Variants in LPAR1 observed in about 807,000 individuals in gnomAD.
The protein encoded by LPAR1 is LPA receptor 1.
In LPAR1, 5 loss-of-function variants were observed where a neutral mutation model predicts 23.8. The ratio of observed to expected loss-of-function variants is 0.21; its 90% CI spans 0.11 to 0.44. LPAR1 has a LOEUF of 0.44. Ranked by LOEUF, LPAR1 falls within the 20% of genes least tolerant of loss-of-function variation. The probability of loss-of-function intolerance (pLI) is 0.99; values close to 1 mark genes in which losing one functional copy is unlikely to be tolerated. For missense variants in LPAR1, 311 were observed against 482.8 expected, an observed-to-expected ratio of 0.64 and a Z score of 3.33; for synonymous variants, 160 against 164.7, an observed-to-expected ratio of 0.97 and a Z score of 0.22.
intron 4 of LPAR1, among the ~76,000 whole-genome samples, chr9:110,971,049 C>T (rs577356223): frequency 6.6e-6 from 1 of 152,206 alleles, no homozygotes; most frequent in South Asian, 2.1e-4. Flanking sequence ...ACAGGAGAAT[C>T]GCTTGAACCC....
At chr9:110,880,139 G>C (rs780911240) in intron 5 of LPAR1, among the ~76,000 whole-genome samples, 1 of 152,170 alleles carries the variant, frequency 6.6e-6, no homozygotes, top group Non-Finnish European at 1.5e-5. Flanking sequence ...AAGTAACATG[G>C]GGTGGAGGAT....
chr9:110,924,384 G>A (rs919689169), intron 5 of LPAR1, among the ~76,000 whole-genome samples: 4 of 152,076 alleles, frequency 2.6e-5, no homozygotes, highest in Non-Finnish European at 5.9e-5. Context: ...AATCTATAAA[G>A]TGGTATGCAT....
At chr9:110,934,277 C>G (rs1210338984) in intron 5 of LPAR1, 1 of 152,258 alleles carries the variant, frequency 6.6e-6, no homozygotes, top group Non-Finnish European at 1.5e-5. Context: ...TCTTCCCTTC[C>G]TGCCACATGG....
chr9:110,899,382 T>C (rs1401298979), intron 5 of LPAR1, among the ~76,000 whole-genome samples: 2 of 152,188 alleles, frequency 1.3e-5, no homozygotes, highest in South Asian at 2.1e-4. Context: ...CCATAAATAA[T>C]ATCAAGCAGC....
chr9:111,000,955 C>T (rs2097116555), intron 2 of LPAR1, among the ~76,000 whole-genome samples: 2 of 152,058 alleles, frequency 1.3e-5, no homozygotes, highest in African/African-American at 2.4e-5. Flanking sequence ...ACAGCTGGTA[C>T]ACTAAGCTCA....
intron 5 of LPAR1, among the ~76,000 whole-genome samples, chr9:110,909,410 T>G (rs1208642625): frequency 6.6e-6 from 1 of 152,198 alleles, no homozygotes; most frequent in African/African-American, 2.4e-5. Context: ...TCTCAGTGAT[T>G]GACTTTCAGT....
At chr9:110,912,168 G>A (rs2092536806) in intron 5 of LPAR1, among the ~76,000 whole-genome samples, 1 of 152,140 alleles carries the variant, frequency 6.6e-6, no homozygotes, top group African/African-American at 2.4e-5. Flanking sequence ...AATAGAAAAT[G>A]GAAAGAAAAA....
chr9:110,976,303 C>G (rs1433328247), intron 2 of LPAR1, among the ~76,000 whole-genome samples: 1 of 132,662 alleles, frequency 7.5e-6, no homozygotes, highest in Non-Finnish European at 1.6e-5. Flanking sequence ...CCAGCCTGGC[C>G]AAGATGGTGA....
At chr9:110,955,011 A>C (rs2095691089) in intron 4 of LPAR1, among the ~76,000 whole-genome samples, 1 of 152,228 alleles carries the variant, frequency 6.6e-6, no homozygotes, top group African/African-American at 2.4e-5. Flanking sequence ...ATAAACAGTA[A>C]GAAAGAAAGG....
rs181639695 is a variant in LPAR1, at chr9:111,005,031, G to A, written c.-182+31091C>T. On this transcript the variant is annotated intron_variant, in intron 2 of 5. Transcript: ENST00000683809. ...AACAAACATAGCTGGGTGTGATGGC[G>A]TGTGCCTGTGGTTCCAGGTACTCAA... Among the ~76,000 whole-genome samples the A allele has an allele frequency of 2.8e-3, 419 of 151,778 alleles. 1 individual carries two copies. Among genetic ancestry groups the A allele is most frequent in the South Asian group, 1.0e-2 (48 of 4,812 alleles).
At position 110,917,264 on chromosome 9, in the gene LPAR1, A is replaced by C. The variant is rs570617034; in HGVS notation, c.793+24157T>G. The stretch of plus-strand genomic sequence containing the variant: ...CTTGGGAGGCTGGGGAAGGAGCATC[A>C]CTTGAACCTGGGAGGTGGAGGCTGC... On this transcript the variant is annotated intron_variant, in intron 5 of 5. Coordinates refer to ENST00000683809, the MANE Select transcript of LPAR1 (RefSeq NM_001351411.2). 1.8e-4 allele frequency among the ~76,000 whole-genome samples: 27 copies of C among 152,050 alleles called. No individual in the cohort carries two copies. In the South Asian group the frequency reaches 4.1e-3, roughly 23 times the overall value.
rs1337119474 is a variant in LPAR1, at chr9:110,906,766, A to T, written c.794-31044T>A. ...ATGCTTTTCCACATAAAATGCATAT[A>T]GTCAGCAAATACAAAACATAACAAA... On this transcript the variant is annotated intron_variant, in intron 5 of 5. Coordinates refer to ENST00000683809, the MANE Select transcript of LPAR1 (RefSeq NM_001351411.2). 2.0e-5 allele frequency among the ~76,000 whole-genome samples: 3 copies of T among 152,198 alleles called. No homozygotes were observed. The East Asian group carries it at 5.8e-4, about 29-fold the overall frequency.
intron 2 of LPAR1, among the ~76,000 whole-genome samples, chr9:111,026,189 G>A (rs547741962): frequency 2.2e-4 from 34 of 152,030 alleles, no homozygotes; most frequent in African/African-American, 7.7e-4. Flanking sequence ...CATTTGTGTC[G>A]TCTCTTGTTT....
At chr9:111,005,402 TG>T (rs766127675) in intron 2 of LPAR1, among the ~76,000 whole-genome samples, 3 of 151,104 alleles carry the variant, frequency 2.0e-5, no homozygotes, top group Admixed American at 2.0e-4. Flanking sequence ...AAAAATTAGC[TG>T]GGTGTGGTGG....
rs528706464 is a variant in LPAR1, at chr9:110,944,212, G to A, written c.46-2044C>T. Among the ~76,000 whole-genome samples, 58 of 152,252 alleles carry A rather than the reference G, an allele frequency of 3.8e-4. 1 individual carries two copies. The South Asian group carries it at 0.012, about 32-fold the overall frequency. Reference sequence around the variant, plus strand: ...GAGGTAGGGTCCCAAGTAATGCCAAGGCTGCTGGTCCAGGGAATCACTGTA... The same window carrying A: ...GAGGTAGGGTCCCAAGTAATGCCAAAGCTGCTGGTCCAGGGAATCACTGTA... On this transcript the variant is annotated intron_variant, in intron 4 of 5. Coordinates refer to ENST00000683809, the MANE Select transcript of LPAR1 (RefSeq NM_001351411.2).
intron 2 of LPAR1, among the ~76,000 whole-genome samples, chr9:111,025,722 T>G (rs1443705020): frequency 6.6e-6 from 1 of 152,246 alleles, no homozygotes; most frequent in African/African-American, 2.4e-5. Flanking sequence ...TTAATTTTTG[T>G]ATAAGGTGTA....
At chr9:110,893,743 A>G (rs1454278223) in intron 5 of LPAR1, among the ~76,000 whole-genome samples, 1 of 152,200 alleles carries the variant, frequency 6.6e-6, no homozygotes, top group South Asian at 2.1e-4. Context: ...CGTGGTCTCA[A>G]TTCCTGCTCT....
intron 5 of LPAR1, among the ~76,000 whole-genome samples, chr9:110,923,825 C>G (rs757479785): frequency 1.1e-4 from 17 of 152,186 alleles, no homozygotes; most frequent in Non-Finnish European, 2.5e-4. Flanking sequence ...AAAAGTAACA[C>G]TGTTAATCAC....
intron 2 of LPAR1, among the ~76,000 whole-genome samples, chr9:110,976,197 AG>A (rs2096549280): frequency 1.3e-5 from 2 of 152,118 alleles, no homozygotes; most frequent in East Asian, 3.9e-4. Flanking sequence ...TAATTTTTAA[AG>A]AAATACATCC....
Sources: allele counts gnomAD v4.1 joint callset (sites outside exome capture counted in the v4.1 genomes callset), GRCh38; gene constraint gnomAD v4.1.1; transcripts MANE v1.5; gene names NCBI Gene and HGNC (gene_info 2026-07-23, HGNC 2026-07-21).